CES1: variants seen among roughly 807,000 people sequenced by gnomAD.
CES1 encodes carboxylesterase 1.
In CES1, 50 loss-of-function variants were observed where a neutral mutation model predicts 53.0. That is an observed-to-expected ratio of 0.94 (90% CI 0.75 to 1.19). The LOEUF (loss-of-function observed/expected upper bound fraction) is 1.19, where lower values mean the gene tolerates loss of function less well. Among genes scored for constraint, CES1 ranks in the 50% most tolerant of loss-of-function variants. The pLI is 0.00. For synonymous variants in CES1, 202 were observed against 210.1 expected (o/e 0.96, Z 0.33); for missense variants, 534 against 538.0 (o/e 0.99, Z 0.07).
At chr16:55,821,598 G>T in intron 4 of CES1, 77 bp from the exon 5 acceptor site, 2 of 1,526,090 alleles carry the variant, frequency 1.3e-6, no homozygotes, top group Non-Finnish European at 9.1e-7. Flanking sequence ...ATGGGGCTAG[G>T]GGTTCTCAGT....
At chr16:55,820,577 C>T in intron 5 of CES1, 98 bp from the exon 6 acceptor site, 13 of 1,587,578 alleles carry the variant, frequency 8.2e-6, no homozygotes, top group Non-Finnish European at 1.1e-5. Flanking sequence ...ATAAAACCAA[C>T]ACGGGACTGA....
intron 8 of CES1, among the ~76,000 whole-genome samples, chr16:55,816,442 C>A (rs547938806): frequency 5.3e-5 from 8 of 152,324 alleles, no homozygotes; most frequent in Non-Finnish European, 1.0e-4. Context: ...CAGAAACTGT[C>A]AACCCACTGG....
rs560735647 is a variant in CES1, at chr16:55,832,638, C to T, written c.52+366G>A. Among the ~76,000 whole-genome samples, 7 of 152,342 alleles carry T rather than the reference C, an allele frequency of 4.6e-5. No homozygotes were observed. The South Asian group carries it at 1.2e-3, about 27-fold the overall frequency. On this transcript the variant is annotated intron_variant, in intron 1 of 13. Transcript: ENST00000360526. ...GGACTCGAACCCACGCACTCTGGCTCCAGAGTCGATGCTCTTAATATTATG... is the reference window on the plus strand; with the variant it reads ...GGACTCGAACCCACGCACTCTGGCTTCAGAGTCGATGCTCTTAATATTATG...
intron 8 of CES1, among the ~76,000 whole-genome samples, chr16:55,814,147 G>A (rs1359981193): frequency 1.8e-4 from 28 of 152,198 alleles, no homozygotes; most frequent in Non-Finnish European, 3.1e-4. Flanking sequence ...CCGAACCCTG[G>A]TCACTCAAGG....
intron 8 of CES1, 117 bp from the exon 9 acceptor site, chr16:55,813,160 C>G: frequency 1.4e-6 from 2 of 1,405,664 alleles, no homozygotes; most frequent in Admixed American, 3.4e-5. Context: ...TGCGCCATGG[C>G]TGCACATGCT....
At chr16:55,824,771 T>C (rs2032351760) in intron 3 of CES1, among the ~76,000 whole-genome samples, 1 of 152,362 alleles carries the variant, frequency 6.6e-6, no homozygotes, top group Admixed American at 6.5e-5. Context: ...TGATCATATG[T>C]GATGATTCCC....
At chr16:55,817,620 C>T (rs2031996575) in intron 7 of CES1, among the ~76,000 whole-genome samples, 1 of 152,038 alleles carries the variant, frequency 6.6e-6, no homozygotes, top group South Asian at 2.1e-4. Flanking sequence ...CAGGTCCCTC[C>T]ATTAAGGATT....
chr16:55,813,660 G>A (rs568521253), intron 8 of CES1, among the ~76,000 whole-genome samples: 390 of 152,158 alleles, frequency 2.6e-3, no homozygotes, highest in Non-Finnish European at 1.3e-3. Flanking sequence ...AACACCAAAT[G>A]CACGGCCAGC....
At chr16:55,810,781 G>A in intron 10 of CES1, 117 bp from the exon 11 acceptor site, 4 of 1,453,280 alleles carry the variant, frequency 2.8e-6, no homozygotes, top group Non-Finnish European at 3.9e-6. Context: ...TCCCCGCTAG[G>A]GTGGAAAATG....
chr16:55,819,076 T>A (rs1483642022), intron 7 of CES1, among the ~76,000 whole-genome samples: 3 of 152,230 alleles, frequency 2.0e-5, no homozygotes, highest in Non-Finnish European at 2.9e-5. Context: ...TGGATGACTA[T>A]CCTAGGATGA....
intron 9 of CES1, among the ~76,000 whole-genome samples, chr16:55,811,285 T>C (rs1287390533): frequency 6.6e-6 from 1 of 151,174 alleles, no homozygotes; most frequent in African/African-American, 2.4e-5. Flanking sequence ...TGCGCGCGTG[T>C]GTGTGTGTGT....
rs2032182378 is a variant in CES1 at position 55,821,357 on chromosome 16, G to A, written c.693+11C>T. The A allele has an allele frequency of 6.2e-7, 1 of 1,614,210 alleles. No homozygotes were observed. Among genetic ancestry groups the A allele is most frequent in the Non-Finnish European group, 8.5e-7 (1 of 1,180,034 alleles). ...AAGCGTGGGGTTGGGCCTGGTGACA[G>A]GAAAACTCACAAGAACAGAGACACT... On this transcript the variant is annotated intron_variant, in intron 5 of 13. Coordinates refer to ENST00000360526, the MANE Select transcript of CES1 (RefSeq NM_001025195.2).
chr16:55,819,854 C>G, intron 6 of CES1: 1 of 641,804 alleles, frequency 1.6e-6, no homozygotes, highest in South Asian at 1.7e-5. Flanking sequence ...AATCTCTCAT[C>G]TCTGCTACCT....
In CES1 at chr16:55,832,922, C is replaced by T. The variant is rs1280433126; in HGVS notation, c.52+82G>A. ...CAGAGCCGGACCTGTTGTGTCTTTG[C>T]CTTTCTACGCATCTGCGCCCACCTC... On this transcript the variant is annotated intron_variant, in intron 1 of 13. Transcript: ENST00000360526. The T allele has an allele frequency of 2.2e-5, 27 of 1,231,314 alleles. No individual in the cohort carries two copies. In the African/African-American group the frequency reaches 3.1e-4, roughly 14 times the overall value. The allele number at this position is 1,231,314 out of a possible 1,614,324, so 76.3% of individuals were successfully genotyped here.
chr16:55,818,270 C>T (rs1362500373), intron 7 of CES1, among the ~76,000 whole-genome samples: 1 of 152,196 alleles, frequency 6.6e-6, no homozygotes, highest in African/African-American at 2.4e-5. Flanking sequence ...CTGCCATGGC[C>T]ATCCAACAAT....
At chr16:55,828,231 T>G (rs111597138) in intron 2 of CES1, 1 of 206,154 alleles carries the variant, frequency 4.9e-6, no homozygotes, top group Non-Finnish European at 1.0e-5. Context: ...GGACACACCT[T>G]CCATTGTTCT....
chr16:55,818,276 A>T lies in CES1; in HGVS notation c.906+1259T>A, dbSNP rs1453163569. Among the ~76,000 whole-genome samples, 5 of 152,326 alleles carry T rather than the reference A, an allele frequency of 3.3e-5. No individual in the cohort carries two copies. The East Asian group carries it at 9.6e-4, about 29-fold the overall frequency. On this transcript the variant is annotated intron_variant, in intron 7 of 13. Coordinates refer to ENST00000360526, the MANE Select transcript of CES1 (RefSeq NM_001025195.2). Reference sequence around the variant, plus strand: ...GATGAGAGACTGCCATGGCCATCCAACAATCCTAAAGGTCCCCAAGTCCTA... The same window carrying T: ...GATGAGAGACTGCCATGGCCATCCATCAATCCTAAAGGTCCCCAAGTCCTA...
chr16:55,811,229 A>C (rs1419296307), intron 9 of CES1, among the ~76,000 whole-genome samples: 1 of 151,800 alleles, frequency 6.6e-6, no homozygotes, highest in African/African-American at 2.4e-5. Context: ...AAAACAAAAA[A>C]CAAAATTTCA....
intron 5 of CES1, 52 bp downstream of exon 5, chr16:55,821,316 T>G (rs1371382132): frequency 2.5e-6 from 4 of 1,610,560 alleles, no homozygotes; most frequent in Non-Finnish European, 3.4e-6. Flanking sequence ...CCAAGAGGTC[T>G]CATCAGCATC....
Sources: allele counts gnomAD v4.1 joint callset (sites outside exome capture counted in the v4.1 genomes callset), GRCh38; gene constraint gnomAD v4.1.1; transcripts MANE v1.5; gene names NCBI Gene and HGNC (gene_info 2026-07-23, HGNC 2026-07-21).